GRB2: variants seen among roughly 807,000 people sequenced by gnomAD.
The protein encoded by GRB2 is growth factor receptor-bound protein 2.
GRB2 carries 2 observed loss-of-function variants against 27.4 expected under a neutral mutation model. That is an observed-to-expected ratio of 0.07 (90% CI 0.03 to 0.23). The LOEUF (loss-of-function observed/expected upper bound fraction) is 0.23, where lower values mean the gene tolerates loss of function less well. GRB2 is among the 10% of genes least tolerant of loss of function. GRB2 has a pLI of 1.00. For synonymous variants in GRB2, 94 were observed against 99.6 expected (o/e 0.94, Z 0.33); for missense variants, 102 against 282.4 (o/e 0.36, Z 4.58).
chr17:75,349,528 T>TTTG (rs2078675876), intron 2 of GRB2, among the ~76,000 whole-genome samples: 1 of 149,918 alleles, frequency 6.7e-6, no homozygotes, highest in Non-Finnish European at 1.5e-5. Context: ...TTTTTTTTTT[T>TTTG]GAGACAGAGT....
At chr17:75,394,113 A>G (rs1196369326) in intron 1 of GRB2, 1 of 157,672 alleles carries the variant, frequency 6.3e-6, no homozygotes, top group Non-Finnish European at 1.4e-5. Flanking sequence ...CCAGCACCAA[A>G]TACGGTCCAC....
At chr17:75,362,288 T>G (rs1012167568) in intron 2 of GRB2, among the ~76,000 whole-genome samples, 3 of 152,212 alleles carry the variant, frequency 2.0e-5, no homozygotes, top group African/African-American at 7.2e-5. Flanking sequence ...TTACCACTTC[T>G]CATGAAATTC....
intron 3 of GRB2, among the ~76,000 whole-genome samples, chr17:75,332,474 T>A (rs754796848): frequency 6.6e-6 from 1 of 152,246 alleles, no homozygotes; most frequent in Admixed American, 6.5e-5. Flanking sequence ...ACTATCGTTT[T>A]ATTTTTGAAG....
At chr17:75,396,173 C>G (rs1216509685) in intron 1 of GRB2, among the ~76,000 whole-genome samples, 3 of 152,084 alleles carry the variant, frequency 2.0e-5, no homozygotes, top group Non-Finnish European at 2.9e-5. Flanking sequence ...TAGATTTTTC[C>G]CAGCATTAGC....
intron 2 of GRB2, among the ~76,000 whole-genome samples, chr17:75,375,699 T>G (rs2078888031): frequency 6.7e-6 from 1 of 150,206 alleles, no homozygotes. Context: ...TTGGCAAATA[T>G]GGTGAAACCT....
intron 3 of GRB2, among the ~76,000 whole-genome samples, chr17:75,328,915 G>A (rs1020214769): frequency 9.3e-5 from 14 of 150,962 alleles, no homozygotes; most frequent in African/African-American, 2.9e-4. Flanking sequence ...TCTAGCCTGG[G>A]CGACAAAGCG....
chr17:75,326,251 C>T (rs542315187), intron 3 of GRB2: 3 of 541,056 alleles, frequency 5.5e-6, no homozygotes, highest in Non-Finnish European at 9.9e-6. Context: ...AGGCACTAAC[C>T]GTGGGTCACT....
At chr17:75,384,498 G>A (rs1192034751) in intron 2 of GRB2, among the ~76,000 whole-genome samples, 1 of 151,986 alleles carries the variant, frequency 6.6e-6, no homozygotes, top group Non-Finnish European at 1.5e-5. Flanking sequence ...GTGAAACCCT[G>A]TCTCTACTAA....
chr17:75,393,292 C>T (rs1388666199), intron 2 of GRB2: 1 of 533,250 alleles, frequency 1.9e-6, no homozygotes, highest in African/African-American at 1.9e-5. Flanking sequence ...ATTACTTTGA[C>T]TTTACTTGAA....
intron 1 of GRB2, among the ~76,000 whole-genome samples, chr17:75,397,378 T>G (rs2053158): frequency 6.6e-6 from 1 of 152,070 alleles, no homozygotes; most frequent in Non-Finnish European, 1.5e-5. Flanking sequence ...ATAGTGTACT[T>G]AACACTGAAG....
chr17:75,361,307 A>G (rs1012747969), intron 2 of GRB2, among the ~76,000 whole-genome samples: 2 of 152,208 alleles, frequency 1.3e-5, no homozygotes, highest in Admixed American at 1.3e-4. Context: ...AAACGAGGAC[A>G]AGGGAACAAA....
chr17:75,402,062 C>G (rs2079067524), intron 1 of GRB2, among the ~76,000 whole-genome samples: 1 of 152,214 alleles, frequency 6.6e-6, no homozygotes, highest in Non-Finnish European at 1.5e-5. Flanking sequence ...CCAAACACCA[C>G]AGCTTAGCCT....
intron 2 of GRB2, among the ~76,000 whole-genome samples, chr17:75,349,687 T>C (rs868481369): frequency 6.6e-6 from 1 of 151,896 alleles, no homozygotes; most frequent in Non-Finnish European, 1.5e-5. Flanking sequence ...GCCTGGCTAA[T>C]TTTTGTATTT....
intron 2 of GRB2, among the ~76,000 whole-genome samples, chr17:75,356,394 G>A (rs547292302): frequency 1.3e-5 from 2 of 152,142 alleles, no homozygotes; most frequent in African/African-American, 4.8e-5. Flanking sequence ...TGTGGTCCCA[G>A]CTACTTGGGA....
Position 75,393,730 on chromosome 17 carries a change from G to A in GRB2, c.-102C>T. 1.2e-6 allele frequency: 1 copy of A among 854,894 alleles called. No individual in the cohort carries two copies. The highest frequency in any genetic ancestry group is 1.9e-6 in the Non-Finnish European group (1 of 513,064). The allele number at this position is 854,894 out of a possible 1,614,324, so 53.0% of individuals were successfully genotyped here. A position where few individuals can be genotyped will look rare whatever the true frequency, so the allele number is the denominator to read the frequency against. On this transcript the variant is annotated 5_prime_UTR_variant, in exon 2 of 6. Transcript: ENST00000316804. ...GGGCTTAGCCTCGCCTCTCTTCTGG[G>A]ACTCGCTCCGGCACTCTGGGACACA...
chr17:75,328,971 A>ATAAT (rs2078520695), intron 3 of GRB2, among the ~76,000 whole-genome samples: 1 of 149,990 alleles, frequency 6.7e-6, no homozygotes, highest in South Asian at 2.1e-4. Context: ...AAATAAATAA[A>ATAAT]TAAGGACACT....
At chr17:75,328,050 C>A (rs947147650) in intron 3 of GRB2, among the ~76,000 whole-genome samples, 7 of 152,118 alleles carry the variant, frequency 4.6e-5, no homozygotes, top group Admixed American at 3.9e-4. Context: ...AGGCTGGGCC[C>A]GGTACCTCAT....
chr17:75,338,940 G>C (rs1432039919), intron 2 of GRB2: 2 of 1,115,458 alleles, frequency 1.8e-6, no homozygotes, highest in Non-Finnish European at 1.4e-6. Context: ...CCCAGGGAAA[G>C]CGGCGTTATG....
At position 75,320,731 on chromosome 17, in the gene GRB2, A is replaced by T. The variant is rs2078452937; in HGVS notation, c.469-178T>A. On this transcript the variant is annotated intron_variant, in intron 5 of 5. Transcript: ENST00000316804. The surrounding 1 kb of genome is among the most constrained non-coding windows in gnomAD (Gnocchi z 4.3). Reference sequence around the variant, plus strand: ...TTACCTATTCTAAGTTTACAGGCCAAGCGGGTTTAGTGTGATATTTCCCAG... The same window carrying T: ...TTACCTATTCTAAGTTTACAGGCCATGCGGGTTTAGTGTGATATTTCCCAG... Among the ~76,000 whole-genome samples the T allele has an allele frequency of 6.6e-6, 1 of 152,090 alleles. No homozygotes were observed. The highest frequency in any genetic ancestry group is 1.5e-5 in the Non-Finnish European group (1 of 68,020).
Sources: gnomAD v4.1 joint callset for allele counts (sites outside exome capture counted in the v4.1 genomes callset) on GRCh38, gnomAD v4.1.1 for gene constraint, Gnocchi (gnomAD v3.1) non-coding constraint, MANE v1.5 for transcripts, NCBI Gene and HGNC (gene_info 2026-07-23, HGNC 2026-07-21) for gene names.